The following ZNF407 variants were observed in gnomAD, a reference collection of about 807,000 sequenced individuals.
ZNF407 encodes zinc finger protein 407.
ZNF407 carries 17 observed loss-of-function variants against 131.2 expected under a neutral mutation model. The observed-to-expected ratio is 0.13, with a 90% CI of 0.09 to 0.19. The LOEUF is 0.19. Ranked by LOEUF, ZNF407 falls within the 10% of genes least tolerant of loss-of-function variation. ZNF407 has a pLI of 1.00. For synonymous variants in ZNF407, 1,156 were observed against 1,062.0 expected, an observed-to-expected ratio of 1.09 and a Z score of -1.72; for missense variants, 2,681 against 2,830.6, an observed-to-expected ratio of 0.95 and a Z score of 1.20.
At chr18:74,836,000 C>A (rs537410785) in intron 4 of ZNF407, among the ~76,000 whole-genome samples, 243 of 142,662 alleles carry the variant, frequency 1.7e-3, no homozygotes, top group Middle Eastern at 0.011. Flanking sequence ...GGATAAGGGA[C>A]CCTTATGGAA....
At chr18:74,818,370 G>C (rs991020269) in intron 4 of ZNF407, among the ~76,000 whole-genome samples, 2 of 152,140 alleles carry the variant, frequency 1.3e-5, no homozygotes, top group Non-Finnish European at 2.9e-5. Context: ...AATTAGGTTT[G>C]TGTGCTACAT....
chr18:74,639,824 G>T (rs940422485), intron 2 of ZNF407, among the ~76,000 whole-genome samples: 5 of 151,346 alleles, frequency 3.3e-5, no homozygotes, highest in Non-Finnish European at 5.9e-5. Context: ...TGAAATTTAA[G>T]ACTCTAAAAT....
intron 8 of ZNF407, among the ~76,000 whole-genome samples, chr18:75,060,662 C>T (rs988896131): frequency 2.6e-5 from 4 of 151,950 alleles, no homozygotes; most frequent in Non-Finnish European, 2.9e-5. Flanking sequence ...CCCGCCACCG[C>T]GCCCGGCTAA....
At chr18:75,047,210 G>A (rs1973445173) in intron 8 of ZNF407, among the ~76,000 whole-genome samples, 2 of 152,142 alleles carry the variant, frequency 1.3e-5, no homozygotes, top group Admixed American at 6.5e-5. Flanking sequence ...GATCTGTGGG[G>A]GTTTAATGAC....
intron 3 of ZNF407, among the ~76,000 whole-genome samples, chr18:74,660,880 G>C (rs1985683861): frequency 6.6e-6 from 1 of 152,006 alleles, no homozygotes; most frequent in South Asian, 2.1e-4. Flanking sequence ...AATTAATCTG[G>C]TGGAGCTGAT....
intron 8 of ZNF407, 159 bp from the exon 9 acceptor site, chr18:75,062,991 T>C: frequency 1.6e-6 from 1 of 640,254 alleles, no homozygotes; most frequent in Non-Finnish European, 2.6e-6. Flanking sequence ...CGGAGGCCTC[T>C]GGCCCTGCTG....
intron 3 of ZNF407, among the ~76,000 whole-genome samples, chr18:74,681,617 T>A (rs1322044952): frequency 6.6e-6 from 1 of 152,230 alleles, no homozygotes; most frequent in Non-Finnish European, 1.5e-5. Context: ...TTGTACGATG[T>A]CTTTACATTG....
intron 8 of ZNF407, among the ~76,000 whole-genome samples, chr18:75,011,533 CTT>C (rs1568300155): frequency 6.6e-6 from 1 of 152,064 alleles, no homozygotes; most frequent in Non-Finnish European, 1.5e-5. Flanking sequence ...TAAAAAAAAT[CTT>C]TGCTTACAAA....
In ZNF407 at chr18:75,003,876, A is replaced by G. The variant is rs142516347; in HGVS notation, c.5429-59274A>G. ...AAAGGGACCAGAGTTAGAACCTTCT[A>G]CAGACACTTACACACTATTCCAGCT... On this transcript the variant is annotated intron_variant, in intron 8 of 8. Coordinates refer to ENST00000299687, the MANE Select transcript of ZNF407 (RefSeq NM_017757.3). Among the ~76,000 whole-genome samples, 418 of 152,314 alleles carry G rather than the reference A, an allele frequency of 2.7e-3. 2 individuals carry two copies. The highest frequency in any genetic ancestry group is 9.2e-3 in the African/African-American group (383 of 41,576).
intron 3 of ZNF407, among the ~76,000 whole-genome samples, chr18:74,655,630 C>T (rs1047761171): frequency 6.6e-6 from 1 of 152,108 alleles, no homozygotes; most frequent in Non-Finnish European, 1.5e-5. Context: ...TGGAAAGGGG[C>T]TAAACATTTT....
intron 8 of ZNF407, among the ~76,000 whole-genome samples, chr18:74,971,274 CTGTT>C (rs938095457): frequency 2.0e-5 from 3 of 152,228 alleles, no homozygotes; most frequent in Non-Finnish European, 4.4e-5. Flanking sequence ...TAACATTAGA[CTGTT>C]TGCTACTTAC....
Position 74,634,072 on chromosome 18 carries a change from A to C in ZNF407, c.3053A>C (p.Lys1018Thr). 2.5e-6 allele frequency: 4 copies of C among 1,614,074 alleles called. No homozygotes were observed. The highest frequency in any genetic ancestry group is 3.4e-6 in the Non-Finnish European group (4 of 1,179,908). Residue 1018 changes from lysine (K) to threonine (T), a missense_variant, in exon 2 of 9, where the codon AAG becomes ACG. Physicochemically the swap from Lys to Thr is moderately conservative, Grantham distance 78. Coordinates refer to ENST00000299687, the MANE Select transcript of ZNF407 (RefSeq NM_017757.3). The part of the protein sequence containing the change: ...QRDVTGTGEN[K>T]CLHCEFSAHS... ...GATGTTACAGGCACAGGTGAGAATA[A>C]GTGTTTGCACTGTGAGTTTAGTGCT...
At chr18:74,772,208 A>G in intron 3 of ZNF407, among the ~76,000 whole-genome samples, 1 of 152,168 alleles carries the variant, frequency 6.6e-6, no homozygotes, top group Non-Finnish European at 1.5e-5. Context: ...GCATGCTCAT[A>G]CACTCTTGGG....
At chr18:74,747,340 A>G (rs561006577) in intron 3 of ZNF407, among the ~76,000 whole-genome samples, 2 of 152,308 alleles carry the variant, frequency 1.3e-5, no homozygotes, top group South Asian at 4.1e-4. Flanking sequence ...AATGCGTAAT[A>G]CATTTATTAT....
intron 3 of ZNF407, among the ~76,000 whole-genome samples, chr18:74,690,389 A>C (rs558903825): frequency 6.6e-6 from 1 of 152,276 alleles, no homozygotes; most frequent in South Asian, 2.1e-4. Flanking sequence ...TTAGAAATAA[A>C]AGAGAAAACA....
In ZNF407 at chr18:74,848,590, GA is replaced by G. The variant is rs556459208; in HGVS notation, c.4878-28606del. ...TAACAAAGAAACAGAATGTAAATTT[GA>G]TAAAATATTTTATATTTTTATATAA... is the stretch of plus-strand genomic sequence containing the variant. On this transcript the variant is annotated intron_variant, in intron 4 of 8. Transcript: ENST00000299687. Among the ~76,000 whole-genome samples, 913 of 152,174 alleles carry G rather than the reference GA, an allele frequency of 6.0e-3. 10 individuals are homozygous for G. Among genetic ancestry groups the G allele is most frequent in the South Asian group, 0.012 (56 of 4,814 alleles).
intron 4 of ZNF407, among the ~76,000 whole-genome samples, chr18:74,797,663 T>C (rs1313670745): frequency 6.6e-6 from 1 of 152,206 alleles, no homozygotes; most frequent in Admixed American, 6.5e-5. Flanking sequence ...TTGACAGTAA[T>C]TTTGAGCAAT....
intron 8 of ZNF407, among the ~76,000 whole-genome samples, chr18:75,026,694 A>G (rs529331411): frequency 1.3e-5 from 2 of 152,328 alleles, no homozygotes; most frequent in East Asian, 3.9e-4. Context: ...GTTGTTTCCA[A>G]ATAACTGCCG....
At chr18:74,942,933 T>C (rs1331353516) in intron 8 of ZNF407, among the ~76,000 whole-genome samples, 2 of 151,796 alleles carry the variant, frequency 1.3e-5, no homozygotes, top group African/African-American at 4.9e-5. Flanking sequence ...TTTTTTTGTT[T>C]GAGATGGGAG....
Sources: gnomAD v4.1 joint callset for allele counts (sites outside exome capture counted in the v4.1 genomes callset) on GRCh38, gnomAD v4.1.1 for gene constraint, MANE v1.5 for transcripts, NCBI Gene and HGNC (gene_info 2026-07-23, HGNC 2026-07-21) for gene names.